The following DPP10 variants were observed in gnomAD, a reference collection of about 807,000 sequenced individuals.
DPP10 encodes inactive dipeptidyl peptidase 10.
A neutral mutation model predicts 120.9 loss-of-function variants in DPP10; 33 were observed. The observed-to-expected ratio is 0.27, with a 90% CI of 0.21 to 0.37. The LOEUF is 0.37. DPP10 is among the 10% of genes least tolerant of loss of function. The probability of loss-of-function intolerance (pLI) is 1.00; values close to 1 mark genes in which losing one functional copy is unlikely to be tolerated. For synonymous variants in DPP10, 337 were observed against 326.1 expected, an observed-to-expected ratio of 1.03 and a Z score of -0.36; for missense variants, 816 against 942.8, an observed-to-expected ratio of 0.87 and a Z score of 1.76.
chr2:114,627,410 G>T (rs910693178), intron 1 of DPP10, among the ~76,000 whole-genome samples: 11 of 152,024 alleles, frequency 7.2e-5, no homozygotes, highest in Admixed American at 2.6e-4. Flanking sequence ...ATGCTATCTT[G>T]TTAAAACACC....
chr2:114,921,569 A>C (rs1165091047), intron 1 of DPP10, among the ~76,000 whole-genome samples: 1 of 152,226 alleles, frequency 6.6e-6, no homozygotes, highest in Non-Finnish European at 1.5e-5. Context: ...CATAATGAAA[A>C]TATTTAGATG....
At chr2:115,720,856 G>A (rs764924237) in intron 7 of DPP10, among the ~76,000 whole-genome samples, 1 of 152,116 alleles carries the variant, frequency 6.6e-6, no homozygotes, top group South Asian at 2.1e-4. Context: ...AAAGGTCTAA[G>A]GTTCCAGATA....
intron 1 of DPP10, among the ~76,000 whole-genome samples, chr2:114,760,761 G>T (rs1383653356): frequency 6.6e-6 from 1 of 151,990 alleles, no homozygotes; most frequent in Non-Finnish European, 1.5e-5. Context: ...TCATTAAGAT[G>T]AGTGAAATTC....
chr2:115,432,659 T>TGTGTGTG (rs2071104148), intron 3 of DPP10, among the ~76,000 whole-genome samples: 19 of 137,756 alleles, frequency 1.4e-4, no homozygotes, highest in Admixed American at 1.3e-3. Flanking sequence ...ATAGGCAATT[T>TGTGTGTG]TGTGTGTGTG....
chr2:115,053,543 GATA>G (rs2105354991), intron 1 of DPP10, among the ~76,000 whole-genome samples: 1 of 152,248 alleles, frequency 6.6e-6, no homozygotes, highest in African/African-American at 2.4e-5. Flanking sequence ...AGATTGTTGT[GATA>G]ATTAGACACC....
intron 1 of DPP10, among the ~76,000 whole-genome samples, chr2:114,817,591 A>G (rs986217804): frequency 3.3e-5 from 5 of 152,204 alleles, no homozygotes; most frequent in Non-Finnish European, 7.3e-5. Flanking sequence ...CATCAAGACA[A>G]GCTTTCTATA....
intron 1 of DPP10, among the ~76,000 whole-genome samples, chr2:115,020,612 A>G (rs1703000782): frequency 6.6e-6 from 1 of 152,112 alleles, no homozygotes; most frequent in African/African-American, 2.4e-5. Flanking sequence ...ATCAAGACAG[A>G]AACTCAACAA....
At chr2:114,714,910 T>C (rs1222725315) in intron 1 of DPP10, among the ~76,000 whole-genome samples, 1 of 151,992 alleles carries the variant, frequency 6.6e-6, no homozygotes, top group Non-Finnish European at 1.5e-5. Context: ...CCACTGAGAA[T>C]GAAAAAGAGA....
intron 1 of DPP10, among the ~76,000 whole-genome samples, chr2:114,497,073 A>G (rs530491876): frequency 6.6e-6 from 1 of 150,388 alleles, no homozygotes; most frequent in African/African-American, 2.4e-5. Flanking sequence ...ACATACACAT[A>G]TACATATACA....
chr2:114,808,089 T>C (rs1684885780), intron 1 of DPP10, among the ~76,000 whole-genome samples: 1 of 152,182 alleles, frequency 6.6e-6, no homozygotes, highest in Admixed American at 6.5e-5. Context: ...ACACATACCC[T>C]TTTATGAACA....
chr2:114,744,646 G>A (rs1234978209), intron 1 of DPP10, among the ~76,000 whole-genome samples: 1 of 152,190 alleles, frequency 6.6e-6, no homozygotes, highest in African/African-American at 2.4e-5. Flanking sequence ...AGAGGGATAG[G>A]CGAGCTATGA....
At chr2:114,958,985 G>A (rs548397454) in intron 1 of DPP10, among the ~76,000 whole-genome samples, 56 of 152,274 alleles carry the variant, frequency 3.7e-4, no homozygotes, top group African/African-American at 1.2e-3. Context: ...TGGAGAATGA[G>A]ATTCTCTCAG....
At chr2:114,709,945 A>G (rs140063391) in intron 1 of DPP10, among the ~76,000 whole-genome samples, 2 of 152,374 alleles carry the variant, frequency 1.3e-5, no homozygotes, top group African/African-American at 4.8e-5. Context: ...AGAAAGATAT[A>G]TAATGCAAAC....
intron 3 of DPP10, among the ~76,000 whole-genome samples, chr2:115,464,514 T>G (rs190787871): frequency 4.4e-4 from 67 of 152,138 alleles, no homozygotes; most frequent in African/African-American, 1.5e-3. Flanking sequence ...TTTTCACCCC[T>G]GAGGCTGTTA....
At chr2:115,740,309 C>T (rs1677093540) in intron 9 of DPP10, among the ~76,000 whole-genome samples, 1 of 151,954 alleles carries the variant, frequency 6.6e-6, no homozygotes, top group Non-Finnish European at 1.5e-5. Flanking sequence ...TAGCTTCTTT[C>T]AGATGATTTC....
chr2:115,435,652 TCTTTA>T (rs2071427245), intron 3 of DPP10, among the ~76,000 whole-genome samples: 3 of 151,938 alleles, frequency 2.0e-5, no homozygotes, highest in Non-Finnish European at 4.4e-5. Context: ...GTTGGCTGGC[TCTTTA>T]CTTTGTTGAT....
intron 1 of DPP10, 51 bp from the exon 2 acceptor site, chr2:115,309,188 A>C: frequency 7.0e-7 from 1 of 1,426,040 alleles, no homozygotes. Context: ...TTATGAATAC[A>C]TTTCTCTTGG....
In DPP10 at chr2:114,442,825, C is replaced by T; in HGVS notation, c.47C>T (p.Ser16Leu). ...TCCCATCACATCAAGTGTCAACCCTCAAAAACAATCAAGGTAGGATCTGGT... is the reference window on the plus strand; with the variant it reads ...TCCCATCACATCAAGTGTCAACCCTTAAAAACAATCAAGGTAGGATCTGGT... ...SVSHHIKCQPSKTIKELGSNS... is the reference protein window; with the variant it reads ...SVSHHIKCQPLKTIKELGSNS... Residue 16 changes from serine (S) to leucine (L), a missense_variant, in exon 1 of 26, where the codon TCA becomes TTA. By Grantham distance (145) the Ser-to-Leu change is moderately radical (BLOSUM62 -2). Around this residue, in one of 3 missense-constraint regions of DPP10, gnomAD observed 182 missense variants for 207.4 expected, o/e 0.88. Coordinates refer to ENST00000410059, the MANE Select transcript of DPP10 (RefSeq NM_020868.6). The T allele has an allele frequency of 6.2e-7, 1 of 1,613,322 alleles. No homozygotes were observed. The highest frequency in any genetic ancestry group is 8.5e-7 in the Non-Finnish European group (1 of 1,179,518).
chr2:115,092,618 TA>T (rs968174450), intron 1 of DPP10, among the ~76,000 whole-genome samples: 10 of 152,022 alleles, frequency 6.6e-5, no homozygotes, highest in African/African-American at 1.7e-4. Flanking sequence ...CAAGATAAAA[TA>T]AAAAAAGTAA....
Sources: allele counts gnomAD v4.1 joint callset (sites outside exome capture counted in the v4.1 genomes callset), GRCh38; gene constraint gnomAD v4.1.1; regional missense constraint gnomAD v4.1.1; transcripts MANE v1.5; gene names NCBI Gene and HGNC (gene_info 2026-07-23, HGNC 2026-07-21).